Variants in NFIA observed in about 807,000 individuals in gnomAD.
NFIA encodes the protein nuclear factor I A, also known as nuclear factor 1 A-type.
NFIA carries 8 observed loss-of-function variants against 62.8 expected under a neutral mutation model. That is an observed-to-expected ratio of 0.13 (90% CI 0.07 to 0.23). NFIA has a LOEUF of 0.23. Among genes scored for constraint, NFIA ranks in the 10% least tolerant of loss-of-function variants. NFIA has a pLI of 1.00. For synonymous variants in NFIA, 235 were observed against 238.1 expected (o/e 0.99, Z 0.12); for missense variants, 410 against 642.1 (o/e 0.64, Z 3.91).
chr1:61,455,511 G>A lies in NFIA; in HGVS notation c.*191G>A, dbSNP rs1372364250. ...AAACAGCAAAGGCCATAACCTTTTG[G>A]GATTTTTTTTTTTTTAAAATACTTT... On this transcript the variant is annotated 3_prime_UTR_variant, in exon 11 of 11. Transcript: ENST00000403491. 3 of 809,460 alleles carry A rather than the reference G, an allele frequency of 3.7e-6. No individual in the cohort carries two copies. Among genetic ancestry groups the A allele is most frequent in the African/African-American group, 2.1e-5 (1 of 48,456 alleles). 50.1% of individuals were successfully genotyped at this position (809,460 alleles called of 1,614,324 possible).
chr1:61,351,687 A>G (rs1662556378), intron 4 of NFIA, among the ~76,000 whole-genome samples: 1 of 152,248 alleles, frequency 6.6e-6, no homozygotes, highest in Admixed American at 6.5e-5. Context: ...CACAAGGGTC[A>G]TTTCTGAAAA....
intron 3 of NFIA, among the ~76,000 whole-genome samples, chr1:61,309,436 C>A (rs1279023727): frequency 3.3e-5 from 5 of 151,854 alleles, no homozygotes; most frequent in Admixed American, 3.3e-4. Context: ...TTTTATCTCC[C>A]TTCCTCCTCT....
At chr1:61,429,766 A>T (rs1222479275) in intron 10 of NFIA, among the ~76,000 whole-genome samples, 3 of 152,260 alleles carry the variant, frequency 2.0e-5, no homozygotes, top group African/African-American at 7.2e-5. Flanking sequence ...GACATATGCC[A>T]CAACGTGGAT....
chr1:61,085,495 C>G (rs1646202685), intron 1 of NFIA, among the ~76,000 whole-genome samples: 1 of 151,646 alleles, frequency 6.6e-6, no homozygotes, highest in South Asian at 2.1e-4. Flanking sequence ...TTCTTTTTTT[C>G]CTCTTGAATG....
Position 61,455,525 on chromosome 1 carries a change from T to G in NFIA, c.*205T>G. ...ATAACCTTTTGGGATTTTTTTTTTTTTAAAATACTTTAGGGACTGTTGTAA... is the reference window on the plus strand; with the variant it reads ...ATAACCTTTTGGGATTTTTTTTTTTGTAAAATACTTTAGGGACTGTTGTAA... On this transcript the variant is annotated 3_prime_UTR_variant, in exon 11 of 11. Transcript: ENST00000403491. The G allele has an allele frequency of 4.2e-6, 3 of 716,860 alleles. No homozygotes were observed. The highest frequency in any genetic ancestry group is 4.5e-6 in the Non-Finnish European group (2 of 439,986). The allele number at this position is 716,860 out of a possible 1,614,324, so 44.4% of individuals were successfully genotyped here. A position where few individuals can be genotyped will look rare whatever the true frequency, so the allele number is the denominator to read the frequency against.
intron 2 of NFIA, among the ~76,000 whole-genome samples, chr1:61,238,255 A>G (rs1292352635): frequency 6.6e-6 from 1 of 152,184 alleles, no homozygotes; most frequent in Non-Finnish European, 1.5e-5. Flanking sequence ...TTAGTTTGGA[A>G]TTTGGGAGTA....
rs535752355 is a variant in NFIA at position 61,334,727 on chromosome 1, T to C, written c.700+2141T>C. Among the ~76,000 whole-genome samples the C allele has an allele frequency of 2.0e-5, 3 of 151,538 alleles. No homozygotes were observed. In the South Asian group the frequency reaches 6.3e-4, roughly 32 times the overall value. On this transcript the variant is annotated intron_variant, in intron 4 of 10. Coordinates refer to ENST00000403491, the MANE Select transcript of NFIA (RefSeq NM_001134673.4). ...AATGAAAATCCTTTTAAGCGTAAGATTGGAGCACTAGCCATTTTATTCTGC... is the reference window on the plus strand; with the variant it reads ...AATGAAAATCCTTTTAAGCGTAAGACTGGAGCACTAGCCATTTTATTCTGC...
At chr1:61,245,748 T>C (rs1289473442) in intron 2 of NFIA, among the ~76,000 whole-genome samples, 1 of 152,196 alleles carries the variant, frequency 6.6e-6, no homozygotes, top group Admixed American at 6.5e-5. Flanking sequence ...GTGTATCTAC[T>C]TCATGGTTTT....
intron 2 of NFIA, among the ~76,000 whole-genome samples, chr1:61,104,203 C>G (rs1405879500): frequency 6.6e-6 from 1 of 152,096 alleles, no homozygotes; most frequent in East Asian, 1.9e-4. Context: ...AGAGTGGACA[C>G]TCACATTTTT....
rs1423406428 is a variant in NFIA, at chr1:61,082,732, T to A, written c.-60T>A. On this transcript the variant is annotated 5_prime_UTR_variant, in exon 1 of 11. Transcript: ENST00000403491. ...CCTCTTTCTCCTCTCTCACCCACAC[T>A]CACGCACACCTCCAAACCGCACACC... 2 of 1,545,264 alleles carry A rather than the reference T, an allele frequency of 1.3e-6. No individual in the cohort carries two copies. Among genetic ancestry groups the A allele is most frequent in the Non-Finnish European group, 1.7e-6 (2 of 1,144,102 alleles).
intron 3 of NFIA, among the ~76,000 whole-genome samples, chr1:61,317,457 AACAC>A (rs1222754041): frequency 2.0e-5 from 3 of 152,102 alleles, no homozygotes; most frequent in African/African-American, 7.2e-5. Context: ...TATTTTCATA[AACAC>A]ACAAATATAT....
rs948772773 is a variant in NFIA, at chr1:61,224,196, GAACTT to G, written c.560-53318_560-53314del. On this transcript the variant is annotated intron_variant, in intron 2 of 10. Transcript: ENST00000403491. ...ATATTTAAAATTAGTTTATTGTCTT[GAACTT>G]AACTTTTCAATTTAATTTTAAACAA... is the stretch of plus-strand genomic sequence containing the variant. 2.5e-3 allele frequency among the ~76,000 whole-genome samples: 387 copies of G among 152,014 alleles called. 9 individuals carry two copies. Among genetic ancestry groups the G allele is most frequent in the Non-Finnish European group, 2.6e-4 (18 of 67,936 alleles).
At chr1:61,199,462 T>G (rs1329740448) in intron 2 of NFIA, among the ~76,000 whole-genome samples, 24 of 152,210 alleles carry the variant, frequency 1.6e-4, no homozygotes, top group Admixed American at 1.6e-3. Flanking sequence ...ATTTTAGAGA[T>G]GAGCATACCA....
rs115111502 is a variant in NFIA, at chr1:61,422,725, G to A, written c.1421-3740G>A. Among the ~76,000 whole-genome samples, 335 of 146,774 alleles carry A rather than the reference G, an allele frequency of 2.3e-3. 1 individual carries two copies. The highest frequency in any genetic ancestry group is 8.3e-3 in the African/African-American group (320 of 38,578). ...AGTTTGAGACCAGCCTGAGCAACAT[G>A]GCGAGACCCCCGTCTCTATTTAAAA... On this transcript the variant is annotated intron_variant, in intron 9 of 10. Transcript: ENST00000403491.
At chr1:61,137,371 T>G (rs1426584892) in intron 2 of NFIA, among the ~76,000 whole-genome samples, 1 of 152,170 alleles carries the variant, frequency 6.6e-6, no homozygotes, top group Middle Eastern at 3.2e-3. Flanking sequence ...CATTTTAGCA[T>G]AGAAGAGTCA....
At chr1:61,347,165 C>CTTTTTTTTTTTTTT (rs869046737) in intron 4 of NFIA, among the ~76,000 whole-genome samples, 2 of 70,110 alleles carry the variant, frequency 2.9e-5, no homozygotes, top group African/African-American at 1.3e-4. Flanking sequence ...CTGGATCCCA[C>CTTTTTTTTTTTTTT]TTTTTTTTTT....
chr1:61,147,530 G>A (rs1456725285), intron 2 of NFIA, among the ~76,000 whole-genome samples: 1 of 152,170 alleles, frequency 6.6e-6, no homozygotes, highest in Non-Finnish European at 1.5e-5. Context: ...TTACTGTAAC[G>A]GAATCAAGTC....
At chr1:61,406,539 T>C in intron 8 of NFIA, 23 bp from the exon 9 acceptor site, 2 of 1,498,344 alleles carry the variant, frequency 1.3e-6, no homozygotes, top group Non-Finnish European at 1.8e-6. Context: ...TACGTGTGTT[T>C]TCTGCCCCCC....
chr1:61,291,530 A>G (rs1254486844), intron 3 of NFIA, among the ~76,000 whole-genome samples: 3 of 152,210 alleles, frequency 2.0e-5, no homozygotes, highest in Non-Finnish European at 4.4e-5. Flanking sequence ...GATTGTTTGA[A>G]TATGTTAATT....
Sources: allele counts gnomAD v4.1 joint callset (sites outside exome capture counted in the v4.1 genomes callset), GRCh38; gene constraint gnomAD v4.1.1; transcripts MANE v1.5; gene names NCBI Gene and HGNC (gene_info 2026-07-23, HGNC 2026-07-21).